Variants in PIWIL1 observed in about 807,000 individuals in gnomAD.
PIWIL1 encodes piwi-like protein 1.
In PIWIL1, 73 loss-of-function variants were observed where a neutral mutation model predicts 114.4. That is an observed-to-expected ratio of 0.64 (90% CI 0.53 to 0.78). PIWIL1 has a LOEUF of 0.78. Ranked by LOEUF, PIWIL1 falls within the 30% of genes least tolerant of loss-of-function variation. PIWIL1 has a pLI of 0.00. For synonymous variants in PIWIL1, 375 were observed against 369.0 expected, an observed-to-expected ratio of 1.02 and a Z score of -0.19; for missense variants, 723 against 1,063.1, an observed-to-expected ratio of 0.68 and a Z score of 4.45.
At chr12:130,355,750 A>G in intron 12 of PIWIL1, 83 bp downstream of exon 12, 1 of 946,310 alleles carries the variant, frequency 1.1e-6, no homozygotes. Context: ...CAGTGGTGCA[A>G]TCTCAGCTCA....
At position 130,361,612 on chromosome 12, in the gene PIWIL1, C is replaced by G. The variant is rs369043486; in HGVS notation, c.1970+11C>G. ...TGAAGGGATGACCCGGTGAGTGAGA[C>G]TGGGCTACTGTGGGTGGCAGTGAGG... On this transcript the variant is annotated intron_variant, in intron 16 of 20. Coordinates refer to ENST00000245255, the MANE Select transcript of PIWIL1 (RefSeq NM_004764.5). 262 of 1,605,588 alleles carry G rather than the reference C, an allele frequency of 1.6e-4. No homozygotes were observed. The highest frequency in any genetic ancestry group is 1.3e-3 in the Middle Eastern group (8 of 6,046).
chr12:130,377,973 C>T, the PIWIL1 span, among the ~76,000 whole-genome samples: 1 of 152,234 alleles, frequency 6.6e-6, no homozygotes, highest in African/African-American at 2.4e-5. Flanking sequence ...GCTATTCTCC[C>T]TGACCCAACT....
the PIWIL1 span, among the ~76,000 whole-genome samples, chr12:130,406,679 C>T: frequency 6.6e-6 from 1 of 152,200 alleles, no homozygotes; most frequent in African/African-American, 2.4e-5. Context: ...CAGAATCTCA[C>T]TGTGTTGCCC....
At position 130,354,612 on chromosome 12, in the gene PIWIL1, G is replaced by A; in HGVS notation, c.1120G>A (p.Gly374Arg). The A allele has an allele frequency of 6.2e-7, 1 of 1,612,626 alleles. No homozygotes were observed. The stretch of plus-strand genomic sequence containing the variant: ...GCCCAAGAGAAGGCGGGGCCCTGGG[G>A]GGACACTGCCAGGGCCTGCCATGCT... ...SQPKRRRGPG[G>R]TLPGPAMLIP... The change falls in exon 10 of 21, where the codon GGG becomes AGG. Residue 374 changes from glycine (G) to arginine (R), a missense_variant. Transcript: ENST00000245255.
intron 19 of PIWIL1, among the ~76,000 whole-genome samples, chr12:130,368,173 G>A (rs2073722037): frequency 6.6e-6 from 1 of 152,162 alleles, no homozygotes; most frequent in South Asian, 2.1e-4. Context: ...GAGCATGTTC[G>A]TGATGGCAAC....
rs754253035 is a variant in PIWIL1 at position 130,348,124 on chromosome 12, G to A, written c.675G>A (p.Leu225=). 6.2e-7 allele frequency: 1 copy of A among 1,605,970 alleles called. No homozygotes were observed. The highest frequency in any genetic ancestry group is 1.3e-5 in the African/African-American group (1 of 74,804). The change falls in exon 7 of 21, where the codon TTG becomes TTA. Residue 225 remains leucine (L), a synonymous_variant. Coordinates refer to ENST00000245255, the MANE Select transcript of PIWIL1 (RefSeq NM_004764.5). ...CTAGGCTTTTGAAAATCATGAATTT[G>A]CAACAAATTGGACGAAATTATTATA... ...IFRRLLKIMN[L]QQIGRNYYNP...
chr12:130,344,652 G>T (rs942505720), intron 3 of PIWIL1, among the ~76,000 whole-genome samples: 2 of 152,146 alleles, frequency 1.3e-5, no homozygotes, highest in African/African-American at 4.8e-5. Context: ...TGATCTTTTT[G>T]TTCTTTTGTC....
chr12:130,424,145 G>A, the PIWIL1 span: 1 of 1,229,724 alleles, frequency 8.1e-7, no homozygotes, highest in Non-Finnish European at 1.0e-6. This position sits in a 1 kb window ranked among gnomAD's most constrained non-coding sequence, Gnocchi z 9.8. Flanking sequence ...CACACACCAG[G>A]GGGCCTTGTG....
chr12:130,416,708 C>T, the PIWIL1 span, among the ~76,000 whole-genome samples: 1 of 152,104 alleles, frequency 6.6e-6, no homozygotes, highest in African/African-American at 2.4e-5. Flanking sequence ...GCCACACAAA[C>T]AAAAATTAAC....
the PIWIL1 span, among the ~76,000 whole-genome samples, chr12:130,406,734 CCT>C: frequency 6.6e-6 from 1 of 152,200 alleles, no homozygotes; most frequent in Non-Finnish European, 1.5e-5. Context: ...GCAACCTCTG[CCT>C]CTCGGGTTCA....
At position 130,349,439 on chromosome 12, in the gene PIWIL1, A is replaced by G; in HGVS notation, c.932+3A>G. On this transcript the variant is annotated splice_donor_region_variant and intron_variant, in intron 8 of 20. Transcript: ENST00000245255. Reference sequence around the variant, plus strand: ...ATAGGTTTAGTTGTTCTTACCAAGTAAGACTGCTTTTTAAAGTGCACAATA... The same window carrying G: ...ATAGGTTTAGTTGTTCTTACCAAGTGAGACTGCTTTTTAAAGTGCACAATA... 1.3e-6 allele frequency: 2 copies of G among 1,585,558 alleles called. No homozygotes were observed. The highest frequency in any genetic ancestry group is 1.7e-6 in the Non-Finnish European group (2 of 1,155,284).
At chr12:130,377,283 A>G (rs989119843), downstream of PIWIL1, among the ~76,000 whole-genome samples, 6 of 152,220 alleles carry the variant, frequency 3.9e-5, no homozygotes, top group African/African-American at 1.4e-4. Flanking sequence ...AGTGCCGCCC[A>G]TAATTCAGAA....
chr12:130,370,570 A>C (rs1188656620), intron 19 of PIWIL1, among the ~76,000 whole-genome samples: 4 of 152,216 alleles, frequency 2.6e-5, no homozygotes, highest in Non-Finnish European at 5.9e-5. Flanking sequence ...GAGGTCCTGG[A>C]ACCAATTCCC....
chr12:130,384,062 GT>G, the PIWIL1 span, among the ~76,000 whole-genome samples: 1 of 152,142 alleles, frequency 6.6e-6, no homozygotes, highest in Non-Finnish European at 1.5e-5. Context: ...TCTGTTTAGT[GT>G]TCCTCCACTG....
the PIWIL1 span, among the ~76,000 whole-genome samples, chr12:130,380,267 C>T: frequency 6.6e-6 from 1 of 152,222 alleles, no homozygotes. Flanking sequence ...CTTCAACTCC[C>T]TCATCCCAGT....
chr12:130,411,390 G>A, the PIWIL1 span, among the ~76,000 whole-genome samples: 1 of 152,126 alleles, frequency 6.6e-6, no homozygotes, highest in Non-Finnish European at 1.5e-5. Flanking sequence ...AGTATGATGT[G>A]GAAAAGGAGT....
intron 5 of PIWIL1, 43 bp downstream of exon 5, chr12:130,346,627 A>G (rs2136135522): frequency 1.4e-6 from 2 of 1,471,512 alleles, no homozygotes; most frequent in East Asian, 2.3e-5. Context: ...ACTTCAAAGC[A>G]GAACTACCAC....
At chr12:130,422,707 G>T in the PIWIL1 span, 1 of 626,044 alleles carries the variant, frequency 1.6e-6, no homozygotes, top group Non-Finnish European at 2.8e-6. The surrounding 1 kb of genome is among the most constrained non-coding windows in gnomAD (Gnocchi z 5.2). Context: ...TGAATGGCCT[G>T]GGAGAGAACA....
chr12:130,400,583 C>T, the PIWIL1 span, among the ~76,000 whole-genome samples: 2 of 152,102 alleles, frequency 1.3e-5, no homozygotes, highest in Admixed American at 6.5e-5. Context: ...TTGGCTGGCT[C>T]TGGGCAACAC....
Sources: gnomAD v4.1 joint callset for allele counts (sites outside exome capture counted in the v4.1 genomes callset) on GRCh38, gnomAD v4.1.1 for gene constraint, Gnocchi (gnomAD v3.1) non-coding constraint, MANE v1.5 for transcripts, NCBI Gene and HGNC (gene_info 2026-07-23, HGNC 2026-07-21) for gene names.